PTPRD: variants seen among roughly 807,000 people sequenced by gnomAD.
PTPRD encodes the protein receptor-type tyrosine-protein phosphatase delta.
A neutral mutation model predicts 214.5 loss-of-function variants in PTPRD; 34 were observed. That is an observed-to-expected ratio of 0.16 (90% CI 0.12 to 0.21). PTPRD has a LOEUF of 0.21. Among genes scored for constraint, PTPRD ranks in the 10% least tolerant of loss-of-function variants. The probability of loss-of-function intolerance (pLI) is 1.00; values close to 1 mark genes in which losing one functional copy is unlikely to be tolerated. For synonymous variants in PTPRD, 1,128 were observed against 845.7 expected (o/e 1.33, Z -5.79); for missense variants, 2,545 against 2,398.7 (o/e 1.06, Z -1.27).
rs2096225317 is a variant in PTPRD at position 8,630,691 on chromosome 9, A to G, written c.352+2626T>C. 3.3e-5 allele frequency among the ~76,000 whole-genome samples: 5 copies of G among 151,918 alleles called. 1 individual carries two copies. Among genetic ancestry groups the G allele is most frequent in the Admixed American group, 2.0e-4 (3 of 15,220 alleles). On this transcript the variant is annotated intron_variant, in intron 14 of 45. Transcript: ENST00000381196. The stretch of plus-strand genomic sequence containing the variant: ...TTACATATGACAGATGTTCACATAG[A>G]AAGTTGAGACCATATTAAACATTTT...
At chr9:9,854,930 A>G (rs1419665340) in intron 5 of PTPRD, among the ~76,000 whole-genome samples, 1 of 152,216 alleles carries the variant, frequency 6.6e-6, no homozygotes, top group Admixed American at 6.5e-5. Flanking sequence ...GGAATTTGGG[A>G]TACTTTTATA....
intron 2 of PTPRD, among the ~76,000 whole-genome samples, chr9:10,529,429 T>C (rs114911595): frequency 0.019 from 2,922 of 152,112 alleles, 93 homozygotes; most frequent in African/African-American, 0.067. Context: ...GGGACATGGA[T>C]AAAGCTGGAA....
chr9:8,959,221 C>T (rs536186184), intron 11 of PTPRD, among the ~76,000 whole-genome samples: 1 of 151,830 alleles, frequency 6.6e-6, no homozygotes, highest in African/African-American at 2.4e-5. Context: ...GAAGATGAAC[C>T]CTGGAAAAGT....
intron 9 of PTPRD, among the ~76,000 whole-genome samples, chr9:9,292,249 T>C (rs527285795): frequency 3.3e-5 from 5 of 151,456 alleles, no homozygotes; most frequent in Admixed American, 1.3e-4. Context: ...CCAAGTTAAC[T>C]GAAGCATAAC....
chr9:10,579,804 A>T (rs112276092), intron 2 of PTPRD, among the ~76,000 whole-genome samples: 3,375 of 152,258 alleles, frequency 0.022, 51 homozygotes, highest in South Asian at 0.061. Context: ...AGCCGTTCTA[A>T]CTGGTGTGAG....
At chr9:9,274,320 C>T (rs1944127669) in intron 9 of PTPRD, among the ~76,000 whole-genome samples, 2 of 151,284 alleles carry the variant, frequency 1.3e-5, no homozygotes, top group African/African-American at 2.4e-5. Context: ...GTTTTCAAAC[C>T]TCTCCCAAAC....
chr9:8,923,041 CT>C (rs34945353), intron 11 of PTPRD, among the ~76,000 whole-genome samples: 105,082 of 148,638 alleles, frequency 0.71, 37,462 homozygotes, highest in East Asian at 0.86. Flanking sequence ...TTTTGTCTGT[CT>C]TTTTTTTTGT....
chr9:9,458,407 A>C (rs984137637), intron 8 of PTPRD, among the ~76,000 whole-genome samples: 3 of 152,124 alleles, frequency 2.0e-5, no homozygotes, highest in African/African-American at 7.2e-5. Context: ...TAACAAAAAA[A>C]AATTGTAAAT....
intron 11 of PTPRD, among the ~76,000 whole-genome samples, chr9:9,018,296 A>G (rs17587734): frequency 0.32 from 48,807 of 152,002 alleles, 8,377 homozygotes; most frequent in Non-Finnish European, 0.39. Flanking sequence ...ACTGCTCACT[A>G]ACCTACTCCA....
At chr9:9,018,044 T>G (rs973098757) in intron 11 of PTPRD, among the ~76,000 whole-genome samples, 7 of 152,174 alleles carry the variant, frequency 4.6e-5, no homozygotes, top group African/African-American at 1.7e-4. Context: ...TTTATTTTTA[T>G]TTTTTGAAGA....
intron 8 of PTPRD, among the ~76,000 whole-genome samples, chr9:9,400,237 G>C (rs1316529422): frequency 2.0e-5 from 3 of 151,796 alleles, no homozygotes; most frequent in South Asian, 2.1e-4. Context: ...GAACAGCAGA[G>C]ATCTATGGCT....
At chr9:9,877,043 C>G (rs1415289961) in intron 5 of PTPRD, among the ~76,000 whole-genome samples, 2 of 152,104 alleles carry the variant, frequency 1.3e-5, no homozygotes, top group African/African-American at 4.8e-5. Context: ...CTTATTTAAG[C>G]TTTTTGATGC....
intron 9 of PTPRD, among the ~76,000 whole-genome samples, chr9:9,217,600 C>A (rs1008706382): frequency 6.6e-6 from 1 of 152,164 alleles, no homozygotes; most frequent in Non-Finnish European, 1.5e-5. Flanking sequence ...AAGACACAAA[C>A]TTGAGCATAT....
intron 2 of PTPRD, among the ~76,000 whole-genome samples, chr9:10,607,388 C>T (rs2079718603): frequency 6.6e-6 from 1 of 151,782 alleles, no homozygotes; most frequent in Non-Finnish European, 1.5e-5. Flanking sequence ...ATTATACATA[C>T]ACTTTTAAAC....
intron 5 of PTPRD, among the ~76,000 whole-genome samples, chr9:9,786,537 G>C (rs146577981): frequency 2.6e-5 from 4 of 152,336 alleles, no homozygotes; most frequent in African/African-American, 7.2e-5. Flanking sequence ...GAATGTTATA[G>C]GCACAGAAGT....
chr9:8,405,485 T>C (rs975804908), intron 35 of PTPRD, among the ~76,000 whole-genome samples: 1 of 152,286 alleles, frequency 6.6e-6, no homozygotes, highest in African/African-American at 2.4e-5. Context: ...GTATATAAAG[T>C]ATGTAATTTA....
At chr9:8,856,561 G>T (rs1041132617) in intron 11 of PTPRD, among the ~76,000 whole-genome samples, 1 of 152,066 alleles carries the variant, frequency 6.6e-6, no homozygotes, top group East Asian at 1.9e-4. Flanking sequence ...ATAACTTTAA[G>T]AGGAAATACA....
At chr9:9,711,962 A>T (rs117683685) in intron 7 of PTPRD, among the ~76,000 whole-genome samples, 3 of 152,186 alleles carry the variant, frequency 2.0e-5, no homozygotes, top group African/African-American at 4.8e-5. Flanking sequence ...CTGGGCACAA[A>T]TACTGTCATT....
intron 9 of PTPRD, among the ~76,000 whole-genome samples, chr9:9,239,003 C>T (rs909712397): frequency 2.0e-5 from 3 of 152,070 alleles, no homozygotes; most frequent in Non-Finnish European, 4.4e-5. Flanking sequence ...AAATCTAGCC[C>T]ACAGCCTCCA....
Sources: allele counts gnomAD v4.1 joint callset (sites outside exome capture counted in the v4.1 genomes callset), GRCh38; gene constraint gnomAD v4.1.1; transcripts MANE v1.5; gene names NCBI Gene and HGNC (gene_info 2026-07-23, HGNC 2026-07-21).